The following SDK1 variants were observed in gnomAD, a reference collection of about 807,000 sequenced individuals.
The protein encoded by SDK1 is sidekick cell adhesion molecule 1, also known as protein sidekick-1.
Under a neutral mutation model 245.5 loss-of-function variants are expected in SDK1, and 157 were observed. That is an observed-to-expected ratio of 0.64 (90% CI 0.56 to 0.73). The LOEUF is 0.73. Among genes scored for constraint, SDK1 ranks in the 30% least tolerant of loss-of-function variants. SDK1 has a pLI of 0.00. For synonymous variants in SDK1, 1,647 were observed against 1,278.5 expected (o/e 1.29, Z -6.15); for missense variants, 3,583 against 3,002.3 (o/e 1.19, Z -4.52).
chr7:4,202,555 C>G (rs1466470041), intron 35 of SDK1, among the ~76,000 whole-genome samples: 1 of 152,136 alleles, frequency 6.6e-6, no homozygotes, highest in Non-Finnish European at 1.5e-5. Flanking sequence ...TTGGAGCGAC[C>G]GCCAGTCACA....
At chr7:3,872,853 A>G (rs1003314055) in intron 5 of SDK1, among the ~76,000 whole-genome samples, 15 of 152,124 alleles carry the variant, frequency 9.9e-5, no homozygotes, top group African/African-American at 3.6e-4. Flanking sequence ...TAAGGACCTT[A>G]TAACAGTGTA....
chr7:3,674,414 C>A (rs546804635), intron 4 of SDK1, among the ~76,000 whole-genome samples: 1 of 152,048 alleles, frequency 6.6e-6, no homozygotes, highest in African/African-American at 2.4e-5. Context: ...GGAGGACCAG[C>A]CTTCCTGTTG....
At chr7:4,092,199 C>T (rs963221612) in intron 22 of SDK1, among the ~76,000 whole-genome samples, 2 of 152,212 alleles carry the variant, frequency 1.3e-5, no homozygotes, top group Admixed American at 1.3e-4. Flanking sequence ...GTTACATTGA[C>T]TTCTGCTTTC....
At chr7:3,558,203 G>T (rs1162377176) in intron 1 of SDK1, among the ~76,000 whole-genome samples, 2 of 152,200 alleles carry the variant, frequency 1.3e-5, no homozygotes, top group African/African-American at 4.8e-5. Flanking sequence ...TATGTTCAAA[G>T]AAATTACTTG....
intron 1 of SDK1, among the ~76,000 whole-genome samples, chr7:3,467,613 G>C (rs1395041849): frequency 1.3e-5 from 2 of 151,846 alleles, no homozygotes; most frequent in African/African-American, 4.8e-5. Context: ...GATAGAAGTT[G>C]GAATTTATGT....
At chr7:4,010,904 A>T (rs1785892216) in intron 14 of SDK1, 62 bp from the exon 15 acceptor site, 1 of 1,556,396 alleles carries the variant, frequency 6.4e-7, no homozygotes, top group African/African-American at 1.4e-5. Context: ...CTTTGCATTC[A>T]CCTCTTATTA....
At chr7:3,585,244 G>C (rs954889389) in intron 1 of SDK1, among the ~76,000 whole-genome samples, 3 of 152,162 alleles carry the variant, frequency 2.0e-5, no homozygotes, top group Non-Finnish European at 4.4e-5. Flanking sequence ...GGCTACGTAG[G>C]CTGAACTCAG....
intron 1 of SDK1, among the ~76,000 whole-genome samples, chr7:3,355,346 T>A (rs898066940): frequency 2.0e-5 from 3 of 152,210 alleles, no homozygotes; most frequent in Non-Finnish European, 4.4e-5. Flanking sequence ...GATGGGGTCT[T>A]GCTTTGTTGC....
At chr7:3,877,465 T>C (rs1781103512) in intron 5 of SDK1, among the ~76,000 whole-genome samples, 1 of 152,180 alleles carries the variant, frequency 6.6e-6, no homozygotes, top group Admixed American at 6.5e-5. Context: ...TGTGCCCAGC[T>C]TGGAAACTCA....
intron 4 of SDK1, among the ~76,000 whole-genome samples, chr7:3,659,058 T>C (rs1350951728): frequency 6.6e-6 from 1 of 152,222 alleles, no homozygotes; most frequent in Non-Finnish European, 1.5e-5. Context: ...GCCTATTCTG[T>C]CACTACCTAA....
At chr7:4,161,937 A>G in intron 32 of SDK1, 81 bp downstream of exon 32, 2 of 1,275,784 alleles carry the variant, frequency 1.6e-6, no homozygotes, top group Non-Finnish European at 1.1e-6. Context: ...GCTGACATGG[A>G]CTGCAAGCTG....
intron 5 of SDK1, among the ~76,000 whole-genome samples, chr7:3,864,921 C>G (rs919364630): frequency 2.6e-5 from 4 of 152,120 alleles, no homozygotes; most frequent in African/African-American, 9.7e-5. Flanking sequence ...AAGCATTTTC[C>G]CCCAGCACAA....
At chr7:3,371,887 C>T (rs1488488292) in intron 1 of SDK1, among the ~76,000 whole-genome samples, 4 of 152,160 alleles carry the variant, frequency 2.6e-5, no homozygotes, top group African/African-American at 9.7e-5. Flanking sequence ...GAGGTTTCTA[C>T]TTAGATCTAT....
In SDK1 at chr7:4,157,465, A is replaced by AGAAGGAAGGAGAGAAG. The variant is rs1394710384; in HGVS notation, c.4626-972_4626-971insAGAAGGAAGGAAGGAG. On this transcript the variant is annotated intron_variant, in intron 30 of 44. Transcript: ENST00000404826. ...AGGAGGGAAGGGAGGTGGAAGGGAGAGAAGGAAGGAGGGAAGGAAGGGAGG... is the reference window on the plus strand; with the variant it reads ...AGGAGGGAAGGGAGGTGGAAGGGAGAGAAGGAAGGAGAGAAGGAAGGAAGGAGGGAAGGAAGGGAGG... Among the ~76,000 whole-genome samples the AGAAGGAAGGAGAGAAG allele has an allele frequency of 6.4e-4, 20 of 31,410 alleles. No homozygotes were observed. In the South Asian group the frequency reaches 7.7e-3, roughly 12 times the overall value. The allele number at this position is 31,410 out of a possible 152,430, so 20.6% of individuals were successfully genotyped here. A position where few individuals can be genotyped will look rare whatever the true frequency, so the allele number is the denominator to read the frequency against.
intron 4 of SDK1, among the ~76,000 whole-genome samples, chr7:3,701,422 G>C (rs1204427977): frequency 6.6e-6 from 1 of 152,124 alleles, no homozygotes; most frequent in African/African-American, 2.4e-5. Flanking sequence ...ATCGTAGCAA[G>C]ACTTTGTGTA....
chr7:4,053,449 G>C (rs922294639), intron 19 of SDK1, among the ~76,000 whole-genome samples: 1 of 151,904 alleles, frequency 6.6e-6, no homozygotes, highest in African/African-American at 2.4e-5. Flanking sequence ...TCTTCATGGC[G>C]CTATTACTTC....
intron 20 of SDK1, among the ~76,000 whole-genome samples, chr7:4,069,485 C>T (rs1320843130): frequency 3.3e-5 from 5 of 152,236 alleles, no homozygotes; most frequent in African/African-American, 4.8e-5. Context: ...GTGAGTTGCC[C>T]GTCCTGACGC....
chr7:3,739,719 G>C (rs1307908995), intron 4 of SDK1, among the ~76,000 whole-genome samples: 1 of 152,056 alleles, frequency 6.6e-6, no homozygotes, highest in African/African-American at 2.4e-5. Context: ...AATTAGGATA[G>C]CTAATTTCAA....
At chr7:4,082,902 T>A (rs1440061113) in intron 22 of SDK1, among the ~76,000 whole-genome samples, 1 of 152,194 alleles carries the variant, frequency 6.6e-6, no homozygotes. Flanking sequence ...ATTATAGGCA[T>A]GAGCCACCGC....
Sources: gnomAD v4.1 joint callset for allele counts (sites outside exome capture counted in the v4.1 genomes callset) on GRCh38, gnomAD v4.1.1 for gene constraint, MANE v1.5 for transcripts, NCBI Gene and HGNC (gene_info 2026-07-23, HGNC 2026-07-21) for gene names.